MAP7D2: variants seen among roughly 807,000 people sequenced by gnomAD.
MAP7D2 encodes MAP7 domain-containing protein 2.
In MAP7D2, 33 loss-of-function variants were observed where a neutral mutation model predicts 63.5. The ratio of observed to expected loss-of-function variants is 0.52; its 90% CI spans 0.39 to 0.70. The LOEUF (loss-of-function observed/expected upper bound fraction) is 0.70. Among genes scored for constraint, MAP7D2 ranks in the 30% least tolerant of loss-of-function variants. The probability of loss-of-function intolerance (pLI) is 0.00; values close to 1 mark genes in which losing one functional copy is unlikely to be tolerated. For missense variants in MAP7D2, 626 were observed against 604.0 expected, an observed-to-expected ratio of 1.04 and a Z score of -0.38; for synonymous variants, 224 against 223.7, an observed-to-expected ratio of 1.00 and a Z score of -0.01.
At chrX:20,008,656 C>A (rs2073079625) in intron 16 of MAP7D2, among the ~76,000 whole-genome samples, 1 of 111,854 alleles carries the variant, frequency 8.9e-6, no homozygotes, top group African/African-American at 3.2e-5. Context: ...TATTTAATGT[C>A]TCAAGCTTTG....
At chrX:20,081,404 T>C (rs2065773951) in intron 1 of MAP7D2, among the ~76,000 whole-genome samples, 1 of 111,876 alleles carries the variant, frequency 8.9e-6, no homozygotes, top group South Asian at 3.8e-4. Context: ...AGGCCCCAGG[T>C]CCCTACCATA....
At position 20,101,033 on chromosome X, in the gene MAP7D2, A is replaced by C. The variant is rs187285420; in HGVS notation, c.130+15717T>G. On this transcript the variant is annotated intron_variant, in intron 1 of 16. Coordinates refer to ENST00000379643, the MANE Select transcript of MAP7D2 (RefSeq NM_001168465.2). The stretch of plus-strand genomic sequence containing the variant: ...TAAAACTCCGTCTCAAAAAAAAAAA[A>C]AAACAAACAAACAAAAAAAGAAGTT... 2.1e-3 allele frequency among the ~76,000 whole-genome samples: 236 copies of C among 110,357 alleles called. 2 individuals carry two copies. Among genetic ancestry groups the C allele is most frequent in the African/African-American group, 6.1e-3 (185 of 30,382 alleles).
intron 6 of MAP7D2, among the ~76,000 whole-genome samples, chrX:20,049,378 T>C (rs1478838886): frequency 9.2e-6 from 1 of 108,138 alleles, no homozygotes; most frequent in East Asian, 2.9e-4. Flanking sequence ...CTCAAGTGAT[T>C]CTCCTGTCTT....
chrX:20,062,315 G>T (rs2065243064), intron 3 of MAP7D2, among the ~76,000 whole-genome samples: 1 of 111,430 alleles, frequency 9.0e-6, no homozygotes, highest in Admixed American at 9.6e-5. Context: ...ATTTGAACTG[G>T]GAGCAGATGA....
Position 20,056,709 on chromosome X carries a change from G to A in MAP7D2, c.455C>T (p.Pro152Leu), listed in dbSNP as rs778450380. ...ELKKKYSWGA[P>L]LAIGPGGHDA... is the part of the protein sequence containing the mutation. ...ATGTCCTCCGGGTCCAATGGCCAGTGGTGCTCCCCACGAATACTTCTTTTT... is the reference window on the plus strand; with the variant it reads ...ATGTCCTCCGGGTCCAATGGCCAGTAGTGCTCCCCACGAATACTTCTTTTT... The change falls in exon 4 of 17, where the codon CCA becomes CTA. Residue 152 changes from proline (P) to leucine (L), a missense_variant. Coordinates refer to ENST00000379643, the MANE Select transcript of MAP7D2 (RefSeq NM_001168465.2). 2.5e-6 allele frequency: 3 copies of A among 1,211,122 alleles called. No homozygotes were observed. Among genetic ancestry groups the A allele is most frequent in the East Asian group, 3.0e-5 (1 of 33,832 alleles).
At position 20,063,559 on chromosome X, in the gene MAP7D2, A is replaced by G; in HGVS notation, c.227T>C (p.Ile76Thr). The G allele has an allele frequency of 8.3e-7, 1 of 1,211,297 alleles. No individual in the cohort carries two copies. The highest frequency in any genetic ancestry group is 1.1e-6 in the Non-Finnish European group (1 of 895,290). Reference sequence around the variant, plus strand: ...CCTGGCTCTTTTCTGTTTCTCCAGGATCTGTTGCTCCCGAGCAGCTGGGGA... The same window carrying G: ...CCTGGCTCTTTTCTGTTTCTCCAGGGTCTGTTGCTCCCGAGCAGCTGGGGA... ...EKCLAAREQQ[I>T]LEKQKRARLQ... The change falls in exon 3 of 17, where the codon ATC (isoleucine) becomes ACC (threonine). Residue 76 changes from isoleucine to threonine, a missense_variant. Ile to Thr is a moderately conservative substitution (Grantham distance 89). Transcript: ENST00000379643.
At chrX:20,022,292 G>A (rs1238758217) in intron 10 of MAP7D2, among the ~76,000 whole-genome samples, 1 of 111,935 alleles carries the variant, frequency 8.9e-6, no homozygotes, top group East Asian at 2.8e-4. Flanking sequence ...GGAAAGCAAG[G>A]AGTAAGAGGC....
chrX:20,086,950 T>C (rs982889409), intron 1 of MAP7D2, among the ~76,000 whole-genome samples: 1 of 111,563 alleles, frequency 9.0e-6, no homozygotes, highest in Non-Finnish European at 1.9e-5. Context: ...CTAACAAATC[T>C]ATGCAGTAAG....
At chrX:20,056,657 T>C in intron 4 of MAP7D2, 23 bp downstream of exon 4, 1 of 1,177,567 alleles carries the variant, frequency 8.5e-7, no homozygotes, top group Non-Finnish European at 1.2e-6. Context: ...GGACCTGAAA[T>C]ACAGGGGCAA....
chrX:20,051,017 A>C (rs1347885427), intron 5 of MAP7D2, 71 bp from the exon 6 acceptor site: 75 of 898,437 alleles, frequency 8.3e-5, no homozygotes, highest in Non-Finnish European at 1.1e-4. Flanking sequence ...CATTTAAACA[A>C]CACAATGCAT....
intron 3 of MAP7D2, among the ~76,000 whole-genome samples, chrX:20,060,279 CA>C (rs2065175372): frequency 9.1e-6 from 1 of 110,264 alleles, no homozygotes; most frequent in Admixed American, 9.7e-5. Flanking sequence ...CTTGGCTCCC[CA>C]AAGTGCTGGG....
intron 1 of MAP7D2, 76 bp downstream of exon 1, chrX:20,116,674 T>C: frequency 1.9e-6 from 2 of 1,073,111 alleles, no homozygotes; most frequent in Non-Finnish European, 1.2e-6. Flanking sequence ...CGAGGACCTT[T>C]GCCCTGGGCC....
At chrX:20,036,145 G>A (rs944068039) in intron 8 of MAP7D2, among the ~76,000 whole-genome samples, 2 of 110,977 alleles carry the variant, frequency 1.8e-5, no homozygotes, top group African/African-American at 3.3e-5. Context: ...AGGGTGGAGC[G>A]TGGGAGGAGG....
intron 8 of MAP7D2, among the ~76,000 whole-genome samples, chrX:20,026,547 T>G (rs749984958): frequency 2.7e-5 from 3 of 111,965 alleles, no homozygotes; most frequent in African/African-American, 9.7e-5. Flanking sequence ...TAGCAAGTCT[T>G]CAAGGTTCCC....
rs781446013 is a variant in MAP7D2, at chrX:20,086,697, A to T, written c.131-21892T>A. Among the ~76,000 whole-genome samples, 74 of 111,989 alleles carry T rather than the reference A, an allele frequency of 6.6e-4. 1 individual carries two copies. In the South Asian group the frequency reaches 0.027, roughly 41 times the overall value. ...CAGCCAGTTTAGAGAAATAATGATAATGAGGATAGCAATAATAATGATGAT... is the reference window on the plus strand; with the variant it reads ...CAGCCAGTTTAGAGAAATAATGATATTGAGGATAGCAATAATAATGATGAT... On this transcript the variant is annotated intron_variant, in intron 1 of 16. Coordinates refer to ENST00000379643, the MANE Select transcript of MAP7D2 (RefSeq NM_001168465.2).
chrX:20,082,573 T>A (rs749016247), intron 1 of MAP7D2, among the ~76,000 whole-genome samples: 19 of 112,143 alleles, frequency 1.7e-4, no homozygotes, highest in African/African-American at 4.8e-4. Flanking sequence ...ACAAGGACAA[T>A]CTTCAAGGGC....
At chrX:20,069,004 T>C (rs1162215119) in intron 1 of MAP7D2, among the ~76,000 whole-genome samples, 1 of 111,985 alleles carries the variant, frequency 8.9e-6, no homozygotes, top group Non-Finnish European at 1.9e-5. Context: ...TCCCCAGCCA[T>C]TTGGAACTCT....
intron 8 of MAP7D2, among the ~76,000 whole-genome samples, chrX:20,034,325 G>A (rs763683359): frequency 1.7e-4 from 19 of 109,458 alleles, no homozygotes; most frequent in Non-Finnish European, 2.3e-4. Flanking sequence ...AGGGGCAGGT[G>A]GGTCATTTGA....
At chrX:20,064,140 A>T (rs1353332284) in intron 2 of MAP7D2, among the ~76,000 whole-genome samples, 4 of 111,747 alleles carry the variant, frequency 3.6e-5, no homozygotes, top group African/African-American at 1.3e-4. Flanking sequence ...TCCCTGGAGG[A>T]GGCAATGCTT....
Sources: gnomAD v4.1 joint callset for allele counts (sites outside exome capture counted in the v4.1 genomes callset) on GRCh38, gnomAD v4.1.1 for gene constraint, MANE v1.5 for transcripts, NCBI Gene and HGNC (gene_info 2026-07-23, HGNC 2026-07-21) for gene names.